The following PCDHA1 variants were observed in gnomAD, a reference collection of about 807,000 sequenced individuals.
The protein encoded by PCDHA1 is protocadherin alpha 1, also known as protocadherin alpha-1.
In PCDHA1, 42 loss-of-function variants were observed where a neutral mutation model predicts 61.3. That is an observed-to-expected ratio of 0.69 (90% CI 0.54 to 0.89). The LOEUF is 0.89. PCDHA1 is among the 40% of genes least tolerant of loss of function. The pLI is 0.00. For missense variants in PCDHA1, 1,256 were observed against 1,235.3 expected (o/e 1.02, Z -0.25); for synonymous variants, 610 against 553.8 (o/e 1.10, Z -1.43).
At chr5:140,944,003 C>T (rs1185007409) in intron 1 of PCDHA1, among the ~76,000 whole-genome samples, 1 of 152,038 alleles carries the variant, frequency 6.6e-6, no homozygotes, top group Admixed American at 6.6e-5. Flanking sequence ...CTACTGAGTA[C>T]CCCCCAAAAG....
At chr5:140,811,618 G>T (rs1044460838) in intron 1 of PCDHA1, 1 of 152,134 alleles carries the variant, frequency 6.6e-6, no homozygotes, top group Non-Finnish European at 1.5e-5. Flanking sequence ...TCCCACCAAC[G>T]GTGTAAAAGC....
At chr5:140,894,506 A>G (rs533835142) in intron 1 of PCDHA1, among the ~76,000 whole-genome samples, 2 of 151,922 alleles carry the variant, frequency 1.3e-5, no homozygotes, top group Non-Finnish European at 2.9e-5. Flanking sequence ...GGCATTATCC[A>G]TAGTGTTTAT....
At chr5:140,967,843 T>C (rs782701780) in intron 1 of PCDHA1, 3 of 1,614,102 alleles carry the variant, frequency 1.9e-6, no homozygotes, top group Admixed American at 3.3e-5. Flanking sequence ...TGGACGTGAA[T>C]GACAATGCCC....
chr5:140,914,020 C>T (rs2076562854), intron 1 of PCDHA1, among the ~76,000 whole-genome samples: 1 of 152,036 alleles, frequency 6.6e-6, no homozygotes, highest in African/African-American at 2.4e-5. Context: ...GAGAATGATC[C>T]ACGTGCTGAG....
intron 1 of PCDHA1, among the ~76,000 whole-genome samples, chr5:140,935,276 T>TA (rs1447867343): frequency 6.6e-6 from 1 of 152,226 alleles, no homozygotes; most frequent in African/African-American, 2.4e-5. Flanking sequence ...ACTAATCTAA[T>TA]AAAGTTCAGC....
chr5:140,941,211 CTTCCTTTCTTT>C (rs782043135), intron 1 of PCDHA1, among the ~76,000 whole-genome samples: 8,933 of 129,680 alleles, frequency 0.069, 349 homozygotes, highest in Non-Finnish European at 0.093. Flanking sequence ...TCCTTTCTTT[CTTCCTTTCTTT>C]CTTTCTTTCT....
At chr5:140,829,600 G>T (rs2150170965) in intron 1 of PCDHA1, 2 of 1,612,044 alleles carry the variant, frequency 1.2e-6, no homozygotes, top group Non-Finnish European at 8.5e-7. Flanking sequence ...GCGAGCGCGC[G>T]TTGTCGAGCT....
At chr5:140,885,110 TA>T (rs1368571784) in intron 1 of PCDHA1, among the ~76,000 whole-genome samples, 4 of 152,224 alleles carry the variant, frequency 2.6e-5, no homozygotes, top group African/African-American at 9.6e-5. Context: ...ATGCTTTTTT[TA>T]AGTGCACTTT....
chr5:140,853,632 CA>C, intron 1 of PCDHA1: 1 of 988,598 alleles, frequency 1.0e-6, no homozygotes, highest in South Asian at 4.7e-5. Flanking sequence ...TACAAGATCA[CA>C]GACCTAAATT....
chr5:140,812,316 T>C (rs1271799931), intron 1 of PCDHA1: 7 of 152,138 alleles, frequency 4.6e-5, no homozygotes, highest in African/African-American at 1.7e-4. Context: ...AAAAGCCTCT[T>C]ATAATTGTGG....
rs2043502208 is a variant in PCDHA1 at position 140,855,508 on chromosome 5, C to T, written c.2394+66824C>T. ...AGTGTCTAAATAAACCTTATTAAATCTCAAAATAATGAGAAAGAGAAGTAA... is the reference window on the plus strand; with the variant it reads ...AGTGTCTAAATAAACCTTATTAAATTTCAAAATAATGAGAAAGAGAAGTAA... On this transcript the variant is annotated intron_variant, in intron 1 of 3. Transcript: ENST00000504120. 1.3e-5 allele frequency among the ~76,000 whole-genome samples: 2 copies of T among 149,732 alleles called. 1 individual carries two copies. The highest frequency in any genetic ancestry group is 3.0e-5 in the Non-Finnish European group (2 of 67,030).
At chr5:140,882,143 C>T in intron 1 of PCDHA1, 1 of 1,494,048 alleles carries the variant, frequency 6.7e-7, no homozygotes, top group Non-Finnish European at 8.9e-7. Context: ...GAAAATATAG[C>T]AGAAAGCGGA....
intron 1 of PCDHA1, among the ~76,000 whole-genome samples, chr5:140,800,224 C>A (rs1762527478): frequency 6.6e-6 from 1 of 151,934 alleles, no homozygotes; most frequent in Non-Finnish European, 1.5e-5. Flanking sequence ...GTGAGTGTAA[C>A]AAATATACAA....
At chr5:140,796,032 A>G in intron 1 of PCDHA1, 1 of 1,614,186 alleles carries the variant, frequency 6.2e-7, no homozygotes, top group Non-Finnish European at 8.5e-7. Flanking sequence ...CGTCTCTCTC[A>G]CTTCCCATCT....
At chr5:140,864,479 C>T (rs1272499335) in intron 1 of PCDHA1, 1 of 152,160 alleles carries the variant, frequency 6.6e-6, no homozygotes, top group Non-Finnish European at 1.5e-5. Flanking sequence ...ATGTTGATTG[C>T]AGTGGGTGGA....
intron 1 of PCDHA1, among the ~76,000 whole-genome samples, chr5:140,963,398 G>C (rs1465736344): frequency 6.6e-6 from 1 of 152,220 alleles, no homozygotes; most frequent in Admixed American, 6.5e-5. Flanking sequence ...CTCCCTACTG[G>C]ATGCTGTAGA....
At chr5:140,891,937 C>G (rs1168665111) in intron 1 of PCDHA1, among the ~76,000 whole-genome samples, 3 of 152,166 alleles carry the variant, frequency 2.0e-5, no homozygotes, top group Admixed American at 2.0e-4. Context: ...CTTGGACTTC[C>G]CCTAGGCTCC....
At chr5:140,818,703 T>A (rs553445594) in intron 1 of PCDHA1, among the ~76,000 whole-genome samples, 1 of 152,144 alleles carries the variant, frequency 6.6e-6, no homozygotes, top group African/African-American at 2.4e-5. Flanking sequence ...CTAGATGTGG[T>A]GGTGCACACC....
At chr5:140,872,588 C>G (rs995645358) in intron 1 of PCDHA1, among the ~76,000 whole-genome samples, 4 of 151,876 alleles carry the variant, frequency 2.6e-5, no homozygotes, top group African/African-American at 2.4e-5. Context: ...CATCGTGAGA[C>G]CCCCATCTGA....
Sources: gnomAD v4.1 joint callset for allele counts (sites outside exome capture counted in the v4.1 genomes callset) on GRCh38, gnomAD v4.1.1 for gene constraint, MANE v1.5 for transcripts, NCBI Gene and HGNC (gene_info 2026-07-23, HGNC 2026-07-21) for gene names.